Variants in DNAH10 observed in about 807,000 individuals in gnomAD.
The protein encoded by DNAH10 is dynein axonemal heavy chain 10, also known as axonemal beta dynein heavy chain 10.
A neutral mutation model predicts 506.6 loss-of-function variants in DNAH10; 348 were observed. The ratio of observed to expected loss-of-function variants is 0.69; its 90% confidence interval spans 0.63 to 0.75. The LOEUF (loss-of-function observed/expected upper bound fraction) is 0.75, where lower values mean the gene tolerates loss of function less well. Ranked by LOEUF, DNAH10 falls within the 30% of genes least tolerant of loss-of-function variation. The pLI is 0.00. For missense variants in DNAH10, 5,179 were observed against 5,787.1 expected, an observed-to-expected ratio of 0.89 and a Z score of 3.41; for synonymous variants, 2,059 against 2,198.6, an observed-to-expected ratio of 0.94 and a Z score of 1.78.
intron 5 of DNAH10, among the ~76,000 whole-genome samples, chr12:123,777,736 C>T (rs1957493525): frequency 6.6e-6 from 1 of 152,204 alleles, no homozygotes; most frequent in Admixed American, 6.5e-5. Context: ...GCCTTAACCT[C>T]CCAGGCTTAA....
In DNAH10 at chr12:123,891,799, C is replaced by CTG. The variant is rs376389709; in HGVS notation, c.8996-1431_8996-1430dup. 5.4e-3 allele frequency among the ~76,000 whole-genome samples: 817 copies of CTG among 152,264 alleles called. 4 individuals are homozygous for CTG. Among genetic ancestry groups the CTG allele is most frequent in the African/African-American group, 0.018 (757 of 41,546 alleles). On this transcript the variant is annotated intron_variant, in intron 52 of 78. Coordinates refer to ENST00000673944, the MANE Select transcript of DNAH10 (RefSeq NM_001372106.1). Reference sequence around the variant, plus strand: ...ACTCAGCATGTGGTCCTGCTCATGGCTGTGAGTCATTACAGCAAAAGGACA... The same window carrying CTG: ...ACTCAGCATGTGGTCCTGCTCATGGCTGTGTGAGTCATTACAGCAAAAGGACA...
chr12:123,801,164 C>T (rs1958467591), intron 15 of DNAH10, 117 bp from the exon 16 acceptor site: 2 of 1,099,070 alleles, frequency 1.8e-6, no homozygotes, highest in African/African-American at 1.6e-5. Context: ...CTGCAAATCT[C>T]TTGATCAAGG....
chr12:123,789,221 G>A (rs545751299), intron 10 of DNAH10, among the ~76,000 whole-genome samples: 1 of 151,656 alleles, frequency 6.6e-6, no homozygotes, highest in Non-Finnish European at 1.5e-5. Context: ...CTCCAGCCTG[G>A]GTGACAGAGC....
Position 123,935,323 on chromosome 12 carries a change from T to C in DNAH10, c.13624-12T>C, listed in dbSNP as rs1273649853. On this transcript the variant is annotated splice_polypyrimidine_tract_variant and intron_variant, in intron 78 of 78. Coordinates refer to ENST00000673944, the MANE Select transcript of DNAH10 (RefSeq NM_001372106.1). ...TCTCCGTGGGGGCATCTCACCTGCC[T>C]TTCCCTTGCAGAATACTTTCCGGAC... 6.3e-7 allele frequency: 1 copy of C among 1,598,080 alleles called. No individual in the cohort carries two copies. The highest frequency in any genetic ancestry group is 2.3e-5 in the East Asian group (1 of 44,400).
Position 123,846,295 on chromosome 12 carries a change from G to T in DNAH10, c.5814+141G>T. On this transcript the variant is annotated intron_variant, in intron 32 of 78. Transcript: ENST00000673944. This position sits in a 1 kb window ranked among gnomAD's most constrained non-coding sequence, Gnocchi z 4.5. The stretch of plus-strand genomic sequence containing the variant: ...AATCTCGAAAAGCTTTTCCATTTGG[G>T]ATGTGACCAGATTGTCACCATTTGG... 8.6e-7 allele frequency: 1 copy of T among 1,159,834 alleles called. No individual in the cohort carries two copies. The highest frequency in any genetic ancestry group is 1.2e-6 in the Non-Finnish European group (1 of 849,594). 71.8% of individuals were successfully genotyped at this position (1,159,834 alleles called of 1,614,324 possible).
chr12:123,850,254 C>T lies in DNAH10; in HGVS notation c.6103-634C>T, dbSNP rs73422756. Among the ~76,000 whole-genome samples, 6,660 of 151,948 alleles carry T rather than the reference C, an allele frequency of 0.044. 360 individuals are homozygous for T. The highest frequency in any genetic ancestry group is 0.13 in the African/African-American group (5,339 of 41,378). ...TAAAATAGAAAACTTCACCGAGAGA[C>T]GACCGGACTCAACCTTCAGCTAAAA... On this transcript the variant is annotated intron_variant, in intron 34 of 78. Coordinates refer to ENST00000673944, the MANE Select transcript of DNAH10 (RefSeq NM_001372106.1). This position sits in a 1 kb window ranked among gnomAD's most constrained non-coding sequence, Gnocchi z 5.5.
chr12:123,811,130 G>A (rs75844860), intron 19 of DNAH10, among the ~76,000 whole-genome samples: 24,297 of 151,988 alleles, frequency 0.16, 2,821 homozygotes, highest in African/African-American at 0.33. Context: ...TTCCTATTTC[G>A]TGGCAAAAAA....
intron 26 of DNAH10, 76 bp from the exon 27 acceptor site, chr12:123,833,038 A>AGG: frequency 1.8e-6 from 2 of 1,106,526 alleles, no homozygotes; most frequent in Middle Eastern, 4.0e-4. Context: ...AAGCAAGCTA[A>AGG]GGAAGGTGTT....
chr12:123,907,228 G>A lies in DNAH10; in HGVS notation c.9816-2033G>A, dbSNP rs932954608. Among the ~76,000 whole-genome samples the A allele has an allele frequency of 6.6e-6, 1 of 152,250 alleles. No individual in the cohort carries two copies. The highest frequency in any genetic ancestry group is 1.5e-5 in the Non-Finnish European group (1 of 68,050). On this transcript the variant is annotated intron_variant, in intron 57 of 78. Transcript: ENST00000673944. The surrounding 1 kb of genome is among the most constrained non-coding windows in gnomAD (Gnocchi z 4.4). ...GACCTAGTCATGGTCATGGAGGGCGGAGGGGGCACCTTCTCTGAGATTGCA... is the reference window on the plus strand; with the variant it reads ...GACCTAGTCATGGTCATGGAGGGCGAAGGGGGCACCTTCTCTGAGATTGCA...
At position 123,853,645 on chromosome 12, in the gene DNAH10, A is replaced by G. The variant is rs917297190; in HGVS notation, c.6438+293A>G. ...GGATGGGTGTGGCGGAAGGGTGGGG[A>G]CTAACAAAATTCTCATGAAAGCATG... On this transcript the variant is annotated intron_variant, in intron 36 of 78. Coordinates refer to ENST00000673944, the MANE Select transcript of DNAH10 (RefSeq NM_001372106.1). This position sits in a 1 kb window ranked among gnomAD's most constrained non-coding sequence, Gnocchi z 4.7. 6.6e-6 allele frequency among the ~76,000 whole-genome samples: 1 copy of G among 152,148 alleles called. No individual in the cohort carries two copies. The highest frequency in any genetic ancestry group is 6.5e-5 in the Admixed American group (1 of 15,274).
intron 30 of DNAH10, among the ~76,000 whole-genome samples, chr12:123,842,297 A>T (rs188917125): frequency 7.9e-4 from 121 of 152,328 alleles, no homozygotes; most frequent in Non-Finnish European, 5.3e-4. Flanking sequence ...TAAAATATTT[A>T]CTGAATTTCC....
Position 123,917,918 on chromosome 12 carries a change from TC to T in DNAH10, c.11232+106del. On this transcript the variant is annotated intron_variant, in intron 64 of 78. Transcript: ENST00000673944. The surrounding 1 kb of genome is among the most constrained non-coding windows in gnomAD (Gnocchi z 5.6). ...AATGAGAAAATGGGGCTCTGTGATC[TC>T]AGGGCTAAAAACCCACCTCTATTGG... 1.5e-6 allele frequency: 2 copies of T among 1,320,202 alleles called. No homozygotes were observed. Among genetic ancestry groups the T allele is most frequent in the South Asian group, 2.9e-5 (2 of 70,094 alleles). 81.8% of individuals were successfully genotyped at this position (1,320,202 alleles called of 1,614,324 possible).
chr12:123,814,608 GA>G (rs1184250608), intron 21 of DNAH10, among the ~76,000 whole-genome samples: 1 of 142,266 alleles, frequency 7.0e-6, no homozygotes, highest in Non-Finnish European at 1.5e-5. Context: ...TGGCCAGGTA[GA>G]TTTTTTTTTT....
chr12:123,818,344 G>T, intron 21 of DNAH10, among the ~76,000 whole-genome samples: 1 of 151,672 alleles, frequency 6.6e-6, no homozygotes, highest in East Asian at 1.9e-4. Context: ...ATTTTTTTGA[G>T]ATAGAATCTT....
chr12:123,872,112 T>C (rs80277353), intron 45 of DNAH10, among the ~76,000 whole-genome samples: 13,590 of 152,060 alleles, frequency 0.089, 1,639 homozygotes, highest in African/African-American at 0.28. Context: ...CTGGGGCCCT[T>C]TTGGAGGCTG....
chr12:123,788,794 T>C (rs1378297069), intron 10 of DNAH10, among the ~76,000 whole-genome samples: 1 of 151,782 alleles, frequency 6.6e-6, no homozygotes, highest in Non-Finnish European at 1.5e-5. Flanking sequence ...GGTGTGGTGG[T>C]GCACACGTGT....
At position 123,853,363 on chromosome 12, in the gene DNAH10, C is replaced by T. The variant is rs542410124; in HGVS notation, c.6438+11C>T. ...TCTGACCTTAGGGAGGTAGGGGCCA[C>T]GTGCTGGAACATTCTCTGGTTTCAG... On this transcript the variant is annotated intron_variant, in intron 36 of 78. Transcript: ENST00000673944. The surrounding 1 kb of genome is among the most constrained non-coding windows in gnomAD (Gnocchi z 4.7). 38 of 1,606,688 alleles carry T rather than the reference C, an allele frequency of 2.4e-5. No individual in the cohort carries two copies. The highest frequency in any genetic ancestry group is 8.9e-5 in the South Asian group (8 of 89,686).
chr12:123,852,664 C>T (rs555056646), intron 35 of DNAH10, among the ~76,000 whole-genome samples: 13 of 152,098 alleles, frequency 8.5e-5, no homozygotes, highest in Admixed American at 6.5e-4. Context: ...CCTCTGTCTC[C>T]CAGGTTCAAG....
Position 123,929,321 on chromosome 12 carries a change from C to T in DNAH10, c.12353C>T (p.Thr4118Ile), listed in dbSNP as rs1246655489. Residue 4118 changes from threonine (T) to isoleucine (I), a missense_variant, in exon 71 of 79, where the codon ACT (threonine) becomes ATT (isoleucine). Coordinates refer to ENST00000673944, the MANE Select transcript of DNAH10 (RefSeq NM_001372106.1). ...PNGLKLNMRA[T>I]YFKISHEMLD... ...GGGCTGAAACTCAACATGAGGGCAA[C>T]TTACTTCAAGATCTCTCACGAAATG... 1.2e-6 allele frequency: 2 copies of T among 1,606,558 alleles called. No individual in the cohort carries two copies. Among genetic ancestry groups the T allele is most frequent in the Non-Finnish European group, 1.7e-6 (2 of 1,176,632 alleles).
Sources: gnomAD v4.1 joint callset for allele counts (sites outside exome capture counted in the v4.1 genomes callset) on GRCh38, gnomAD v4.1.1 for gene constraint, Gnocchi (gnomAD v3.1) non-coding constraint, MANE v1.5 for transcripts, NCBI Gene and HGNC (gene_info 2026-07-23, HGNC 2026-07-21) for gene names.